PLBD2: variants seen among roughly 807,000 people sequenced by gnomAD.
PLBD2 encodes putative aminopeptidase PLBD2.
Under a neutral mutation model 68.3 loss-of-function variants are expected in PLBD2, and 51 were observed. The observed-to-expected ratio is 0.75, with a 90% confidence interval of 0.60 to 0.94. The LOEUF (loss-of-function observed/expected upper bound fraction) is 0.94, where lower values mean the gene tolerates loss of function less well. Among genes scored for constraint, PLBD2 ranks in the 40% least tolerant of loss-of-function variants. The pLI, the probability that PLBD2 is intolerant of heterozygous loss-of-function variation, is 0.00. For missense variants in PLBD2, 729 were observed against 792.2 expected, an observed-to-expected ratio of 0.92 and a Z score of 0.96; for synonymous variants, 314 against 339.3, an observed-to-expected ratio of 0.93 and a Z score of 0.82.
intron 2 of PLBD2, 98 bp downstream of exon 2, chr12:113,369,307 A>C (rs2136905365): frequency 2.4e-6 from 2 of 830,400 alleles, no homozygotes; most frequent in Non-Finnish European, 3.4e-6. Flanking sequence ...GTAGGCCCCC[A>C]ACTCCTGCCA....
chr12:113,361,703 A>G (rs893710718), intron 1 of PLBD2, among the ~76,000 whole-genome samples: 7 of 151,980 alleles, frequency 4.6e-5, no homozygotes, highest in African/African-American at 1.7e-4. Context: ...CACAGCCTGG[A>G]AACATTTATG....
At chr12:113,369,268 C>T (rs1957368485) in intron 2 of PLBD2, 59 bp downstream of exon 2, 2 of 1,366,482 alleles carry the variant, frequency 1.5e-6, no homozygotes, top group Non-Finnish European at 9.9e-7. Context: ...CAAGCATGTT[C>T]CCCAGTGTGC....
intron 4 of PLBD2, 66 bp downstream of exon 4, chr12:113,374,640 TG>T (rs1957422152): frequency 3.4e-6 from 5 of 1,481,434 alleles, no homozygotes; most frequent in Non-Finnish European, 9.3e-7. Flanking sequence ...CGGACAGACC[TG>T]GGTTCCAGCA....
At chr12:113,376,645 A>G (rs955479898) in intron 5 of PLBD2, 2 of 152,162 alleles carry the variant, frequency 1.3e-5, no homozygotes, top group Non-Finnish European at 2.9e-5. Flanking sequence ...GCATGAATAC[A>G]TTCTTCCTGT....
At chr12:113,367,216 C>T (rs1386124706) in intron 1 of PLBD2, among the ~76,000 whole-genome samples, 2 of 152,062 alleles carry the variant, frequency 1.3e-5, no homozygotes, top group African/African-American at 4.8e-5. Flanking sequence ...GGATAAAGGA[C>T]ATGAAACAGA....
At chr12:113,380,956 G>A (rs1957484729) in intron 6 of PLBD2, 114 bp downstream of exon 6, 4 of 1,040,600 alleles carry the variant, frequency 3.8e-6, no homozygotes, top group Non-Finnish European at 5.7e-6. Context: ...CCCAGTGCTG[G>A]GTGCCATGTA....
intron 1 of PLBD2, among the ~76,000 whole-genome samples, chr12:113,361,176 G>A (rs1458084777): frequency 6.6e-6 from 1 of 151,858 alleles, no homozygotes; most frequent in Non-Finnish European, 1.5e-5. Context: ...TCGGAGGGTG[G>A]GGGCAGGGAT....
intron 2 of PLBD2, among the ~76,000 whole-genome samples, chr12:113,371,712 C>G (rs150125660): frequency 5.9e-5 from 9 of 152,366 alleles, no homozygotes; most frequent in African/African-American, 2.2e-4. Flanking sequence ...CCCTAAACCC[C>G]TGAGGGAAGC....
rs1957422721 is a variant in PLBD2, at chr12:113,374,709, C to CA, written c.645-84_645-83insA. ...GGAACAGTCAGCTGACTTCCCAGAGCCTCAGCTTTCTCCTCTGCAAAATGA... is the reference window on the plus strand; with the variant it reads ...GGAACAGTCAGCTGACTTCCCAGAGCACTCAGCTTTCTCCTCTGCAAAATGA... On this transcript the variant is annotated intron_variant, in intron 4 of 11. Coordinates refer to ENST00000280800, the MANE Select transcript of PLBD2 (RefSeq NM_173542.4). The CA allele has an allele frequency of 2.0e-6, 3 of 1,530,504 alleles. No homozygotes were observed. In the South Asian group the frequency reaches 3.5e-5, roughly 18 times the overall value. 94.8% of individuals were successfully genotyped at this position (1,530,504 alleles called of 1,614,324 possible). A position where few individuals can be genotyped will look rare whatever the true frequency, so the allele number is the denominator to read the frequency against.
At chr12:113,374,122 G>A (rs192752410) in intron 3 of PLBD2, among the ~76,000 whole-genome samples, 5 of 152,140 alleles carry the variant, frequency 3.3e-5, no homozygotes, top group African/African-American at 1.2e-4. Context: ...ACAGGTGCCC[G>A]AGGCAGCAAT....
Position 113,372,299 on chromosome 12 carries a change from T to C in PLBD2, c.385-350T>C, listed in dbSNP as rs1343028349. 6.6e-6 allele frequency among the ~76,000 whole-genome samples: 1 copy of C among 151,824 alleles called. No individual in the cohort carries two copies. Among genetic ancestry groups the C allele is most frequent in the African/African-American group, 2.4e-5 (1 of 41,318 alleles). ...GAAGGGTTATTGCTGTTTTGTTCCC[T>C]GCTATGTCCTCAGTGCTTAAAAAGG... is the stretch of plus-strand genomic sequence containing the variant. On this transcript the variant is annotated intron_variant, in intron 2 of 11. Coordinates refer to ENST00000280800, the MANE Select transcript of PLBD2 (RefSeq NM_173542.4). The surrounding 1 kb of genome is among the most constrained non-coding windows in gnomAD (Gnocchi z 4.2).
At position 113,388,885 on chromosome 12, in the gene PLBD2, T is replaced by G. The variant is rs1448087832; in HGVS notation, c.*259T>G. 5.3e-6 allele frequency: 2 copies of G among 373,898 alleles called. No individual in the cohort carries two copies. Among genetic ancestry groups the G allele is most frequent in the Non-Finnish European group, 9.5e-6 (2 of 210,182 alleles). The allele number at this position is 373,898 out of a possible 1,614,324, so 23.2% of individuals were successfully genotyped here. A position where few individuals can be genotyped will look rare whatever the true frequency, so the allele number is the denominator to read the frequency against. On this transcript the variant is annotated 3_prime_UTR_variant, in exon 12 of 12. Transcript: ENST00000280800. Reference sequence around the variant, plus strand: ...CTCCCACTCTCTGTTTCTGTCTGTTTCCTACTGCTGCTCTCTCAACCTCAT... The same window carrying G: ...CTCCCACTCTCTGTTTCTGTCTGTTGCCTACTGCTGCTCTCTCAACCTCAT...
chr12:113,386,601 CCT>C lies in PLBD2; in HGVS notation c.1287-334_1287-333del, dbSNP rs1288919433. ...ATGGCTCGATCTCAGCTCACTGAAA[CCT>C]CCACCTTCCAGGTTCAAGTGAGTAC... On this transcript the variant is annotated intron_variant, in intron 9 of 11. Coordinates refer to ENST00000280800, the MANE Select transcript of PLBD2 (RefSeq NM_173542.4). Among the ~76,000 whole-genome samples the C allele has an allele frequency of 3.3e-5, 5 of 151,556 alleles. 1 individual carries two copies. The Middle Eastern group carries it at 0.01, about 314-fold the overall frequency.
rs1013107376 is a variant in PLBD2, at chr12:113,384,951, G to A, written c.1214+5G>A. ...TACCATCCTGGAGCAGATCCCGTGC[G>A]TACCCTGGGAGGGAGGGGTGGGGGC... On this transcript the variant is annotated splice_donor_5th_base_variant and intron_variant, in intron 8 of 11. Transcript: ENST00000280800. This position sits in a 1 kb window ranked among gnomAD's most constrained non-coding sequence, Gnocchi z 4.2. The A allele has an allele frequency of 2.7e-5, 25 of 934,538 alleles. No individual in the cohort carries two copies. The highest frequency in any genetic ancestry group is 3.6e-5 in the Non-Finnish European group (22 of 608,802). 57.9% of individuals were successfully genotyped at this position (934,538 alleles called of 1,614,324 possible). A position where few individuals can be genotyped will look rare whatever the true frequency, so the allele number is the denominator to read the frequency against.
At position 113,369,303 on chromosome 12, in the gene PLBD2, C is replaced by T. The variant is rs1306618059; in HGVS notation, c.384+94C>T. The T allele has an allele frequency of 1.3e-5, 12 of 905,136 alleles. No homozygotes were observed. The African/African-American group carries it at 1.9e-4, about 14-fold the overall frequency. 56.1% of individuals were successfully genotyped at this position (905,136 alleles called of 1,614,324 possible). On this transcript the variant is annotated intron_variant, in intron 2 of 11. Transcript: ENST00000280800. ...CTTTTGAGATGTGTGCAGAGTAGGC[C>T]CCCAACTCCTGCCACAGCCCTTCAT...
chr12:113,379,213 CAA>C (rs1266398333), intron 5 of PLBD2, among the ~76,000 whole-genome samples: 2 of 143,360 alleles, frequency 1.4e-5, no homozygotes, highest in Admixed American at 7.6e-5. Flanking sequence ...GAGGCTGAGA[CAA>C]GAGAATCACT....
chr12:113,362,339 A>G (rs947867136), intron 1 of PLBD2, among the ~76,000 whole-genome samples: 9 of 152,072 alleles, frequency 5.9e-5, no homozygotes, highest in Non-Finnish European at 1.2e-4. Flanking sequence ...ATAAAAAAAA[A>G]AAAAGGCTGA....
At chr12:113,382,876 T>G (rs1347084264) in intron 6 of PLBD2, among the ~76,000 whole-genome samples, 84 of 140,858 alleles carry the variant, frequency 6.0e-4, no homozygotes, top group African/African-American at 7.7e-4. Context: ...TGTTTTTTTT[T>G]TTTTTTTTTT....
intron 1 of PLBD2, among the ~76,000 whole-genome samples, chr12:113,367,759 A>AAAAAG (rs1957353937): frequency 1.4e-5 from 2 of 148,094 alleles, no homozygotes; most frequent in Non-Finnish European, 1.5e-5. Flanking sequence ...AAAAAAAAAA[A>AAAAAG]AAAAAAGAAA....
Sources: allele counts gnomAD v4.1 joint callset (sites outside exome capture counted in the v4.1 genomes callset), GRCh38; gene constraint gnomAD v4.1.1; non-coding constraint Gnocchi (gnomAD v3.1); transcripts MANE v1.5; gene names NCBI Gene and HGNC (gene_info 2026-07-23, HGNC 2026-07-21).